Variants in JMJD1C observed in about 807,000 individuals in gnomAD.
JMJD1C encodes the protein jumonji domain-containing protein 1C.
In JMJD1C, 31 loss-of-function variants were observed where a neutral mutation model predicts 245.3. The ratio of observed to expected loss-of-function variants is 0.13; its 90% CI spans 0.09 to 0.17. The LOEUF (loss-of-function observed/expected upper bound fraction) is 0.17. Among genes scored for constraint, JMJD1C ranks in the 10% least tolerant of loss-of-function variants. JMJD1C has a pLI of 1.00. For synonymous variants in JMJD1C, 1,057 were observed against 1,017.4 expected, an observed-to-expected ratio of 1.04 and a Z score of -0.74; for missense variants, 2,691 against 3,000.2, an observed-to-expected ratio of 0.90 and a Z score of 2.41.
intron 2 of JMJD1C, among the ~76,000 whole-genome samples, chr10:63,296,560 G>T (rs1859455437): frequency 6.6e-6 from 1 of 152,132 alleles, no homozygotes; most frequent in African/African-American, 2.4e-5. Context: ...AAGGATACTT[G>T]TTTACAGTAT....
intron 3 of JMJD1C, among the ~76,000 whole-genome samples, chr10:63,220,987 T>C (rs1036468338): frequency 6.6e-5 from 10 of 151,954 alleles, no homozygotes; most frequent in African/African-American, 2.4e-4. Context: ...GGTGGGAGCC[T>C]GTAGTCCCAG....
intron 1 of JMJD1C, among the ~76,000 whole-genome samples, chr10:63,451,359 T>G (rs1952057504): frequency 1.3e-5 from 2 of 152,164 alleles, no homozygotes; most frequent in Admixed American, 6.5e-5. Context: ...TAACTCACAC[T>G]TCCTGATTTC....
At chr10:63,445,313 G>A (rs1020686345) in intron 1 of JMJD1C, among the ~76,000 whole-genome samples, 5 of 152,312 alleles carry the variant, frequency 3.3e-5, no homozygotes, top group Admixed American at 6.5e-5. Context: ...GAGGAGGGAA[G>A]AGGTCAATTT....
intron 2 of JMJD1C, among the ~76,000 whole-genome samples, chr10:63,270,421 G>A (rs535384286): frequency 6.6e-5 from 10 of 151,202 alleles, no homozygotes; most frequent in Non-Finnish European, 8.8e-5. Flanking sequence ...CACCCGCCTC[G>A]GCCTCCCAAA....
At chr10:63,345,585 C>G (rs932261941) in intron 2 of JMJD1C, among the ~76,000 whole-genome samples, 4 of 151,548 alleles carry the variant, frequency 2.6e-5, no homozygotes, top group African/African-American at 9.7e-5. Flanking sequence ...AAGAAGCCAG[C>G]TTTGAAAGGT....
chr10:63,321,594 G>A (rs1384826665), intron 2 of JMJD1C, among the ~76,000 whole-genome samples: 1 of 152,192 alleles, frequency 6.6e-6, no homozygotes, highest in African/African-American at 2.4e-5. Flanking sequence ...GGTTTTTCCT[G>A]CATCTCTTAC....
intron 1 of JMJD1C, among the ~76,000 whole-genome samples, chr10:63,404,276 G>A (rs1196373496): frequency 6.6e-6 from 1 of 152,100 alleles, no homozygotes; most frequent in African/African-American, 2.4e-5. Context: ...ATTTTAGGAA[G>A]AACCAACAGA....
chr10:63,259,314 T>G (rs933012106), intron 3 of JMJD1C, among the ~76,000 whole-genome samples: 2 of 152,230 alleles, frequency 1.3e-5, no homozygotes, highest in East Asian at 1.9e-4. Flanking sequence ...ATTGTTCACC[T>G]TGGCTGACTA....
intron 2 of JMJD1C, chr10:63,358,927 A>T (rs1243181394): frequency 6.3e-6 from 1 of 158,888 alleles, no homozygotes; most frequent in African/African-American, 2.4e-5. Flanking sequence ...AGATGACAGA[A>T]AATCTAACCA....
intron 2 of JMJD1C, among the ~76,000 whole-genome samples, chr10:63,368,896 C>T (rs1056984128): frequency 1.3e-5 from 2 of 151,520 alleles, no homozygotes; most frequent in Admixed American, 1.3e-4. Flanking sequence ...GATCTGCCCA[C>T]CCTCGCCTCC....
intron 3 of JMJD1C, among the ~76,000 whole-genome samples, chr10:63,232,872 T>C (rs937330230): frequency 3.3e-5 from 5 of 152,202 alleles, no homozygotes; most frequent in Non-Finnish European, 5.9e-5. Flanking sequence ...ATTTGGTATA[T>C]ATAAATTCAC....
rs1955231783 is a variant in JMJD1C, at chr10:63,521,387, A to T, written n.113+351T>A. On this transcript the variant is annotated intron_variant and non_coding_transcript_variant, in intron 1 of 3. Coordinates refer to the JMJD1C transcript ENST00000633035. ...CGGGGGACCGACCTCTGCGCAGCCC[A>T]GGCCGCCGCGCGCACACACCGGGCC... 5.4e-5 allele frequency: 9 copies of T among 167,134 alleles called. No individual in the cohort carries two copies. In the South Asian group the frequency reaches 1.5e-3, roughly 28 times the overall value. 10.4% of individuals were successfully genotyped at this position (167,134 alleles called of 1,614,324 possible).
At position 63,202,235 on chromosome 10, in the gene JMJD1C, C is replaced by T. The variant is rs551772822; in HGVS notation, c.5075-1558G>A. The T allele has an allele frequency of 9.0e-5, 82 of 913,606 alleles. 1 individual carries two copies. In the East Asian group the frequency reaches 8.0e-3, roughly 89 times the overall value. 56.6% of individuals were successfully genotyped at this position (913,606 alleles called of 1,614,324 possible). A position where few individuals can be genotyped will look rare whatever the true frequency, so the allele number is the denominator to read the frequency against. On this transcript the variant is annotated intron_variant, in intron 10 of 25. Coordinates refer to ENST00000399262, the MANE Select transcript of JMJD1C (RefSeq NM_032776.3). ...TGCCACTGGATTCCAGCCTGGGTGA[C>T]GGAGTAAGACTCTGTCTAAAAATAT... is the stretch of plus-strand genomic sequence containing the variant.
chr10:63,424,575 T>C (rs1331907691), intron 1 of JMJD1C, among the ~76,000 whole-genome samples: 1 of 89,982 alleles, frequency 1.1e-5, no homozygotes, highest in Non-Finnish European at 3.1e-5. Context: ...GATGCGACTG[T>C]GGCTCACTGC....
chr10:63,215,881 C>T (rs561861435), intron 5 of JMJD1C, among the ~76,000 whole-genome samples, 185 bp from the exon 6 acceptor site: 3 of 152,296 alleles, frequency 2.0e-5, no homozygotes, highest in Admixed American at 2.0e-4. Flanking sequence ...TTCTGAAACT[C>T]ACCATTTCAA....
intron 2 of JMJD1C, among the ~76,000 whole-genome samples, chr10:63,333,882 AT>A: frequency 6.6e-6 from 1 of 152,292 alleles, no homozygotes; most frequent in Non-Finnish European, 1.5e-5. Flanking sequence ...TTTAAATACA[AT>A]TTTTCCAGCA....
intron 24 of JMJD1C, among the ~76,000 whole-genome samples, chr10:63,175,573 T>C (rs1842801045): frequency 6.6e-6 from 1 of 152,204 alleles, no homozygotes; most frequent in Non-Finnish European, 1.5e-5. Context: ...GAAAGTTTCC[T>C]TGGTAAACTA....
chr10:63,360,930 G>A (rs1032885935), intron 2 of JMJD1C, among the ~76,000 whole-genome samples: 9 of 152,068 alleles, frequency 5.9e-5, no homozygotes, highest in South Asian at 4.2e-4. Flanking sequence ...GATTACATGC[G>A]TGAGCCACCG....
At chr10:63,218,762 AG>A (rs1429326405) in intron 4 of JMJD1C, among the ~76,000 whole-genome samples, 25 of 152,184 alleles carry the variant, frequency 1.6e-4, no homozygotes, top group Admixed American at 1.5e-3. Context: ...TTGCAAGGAA[AG>A]GGAAAAAAAG....
Sources: gnomAD v4.1 joint callset for allele counts (sites outside exome capture counted in the v4.1 genomes callset) on GRCh38, gnomAD v4.1.1 for gene constraint, MANE v1.5 for transcripts, NCBI Gene and HGNC (gene_info 2026-07-23, HGNC 2026-07-21) for gene names.